Variants in BAZ2A observed in about 807,000 individuals in gnomAD.
The protein encoded by BAZ2A is bromodomain adjacent to zinc finger domain protein 2A.
In BAZ2A, 34 loss-of-function variants were observed where a neutral mutation model predicts 199.9. The observed-to-expected ratio is 0.17, with a 90% CI of 0.13 to 0.23. The LOEUF (loss-of-function observed/expected upper bound fraction) is 0.23. BAZ2A is among the 10% of genes least tolerant of loss of function. The pLI, the probability that BAZ2A is intolerant of heterozygous loss-of-function variation, is 1.00. For missense variants in BAZ2A, 2,002 were observed against 2,391.1 expected (o/e 0.84, Z 3.39); for synonymous variants, 857 against 883.9 (o/e 0.97, Z 0.54).
rs762252401 is a variant in BAZ2A, at chr12:56,602,676, T to C, written c.3424+37A>G. Reference sequence around the variant, plus strand: ...AAGGAATTATTTAATTCTTGTTTGATAGGACTCAGAATCCACACTCCCACA... The same window carrying C: ...AAGGAATTATTTAATTCTTGTTTGACAGGACTCAGAATCCACACTCCCACA... On this transcript the variant is annotated intron_variant, in intron 19 of 28. Coordinates refer to ENST00000549884, the MANE Select transcript of BAZ2A (RefSeq NM_001300905.2). The C allele has an allele frequency of 1.4e-5, 22 of 1,593,772 alleles. No homozygotes were observed. The Middle Eastern group carries it at 5.0e-4, about 36-fold the overall frequency.
At chr12:56,634,009 A>G (rs1056344651), upstream of BAZ2A, among the ~76,000 whole-genome samples, 1 of 152,190 alleles carries the variant, frequency 6.6e-6, no homozygotes, top group Non-Finnish European at 1.5e-5. Flanking sequence ...CTGGGATTAC[A>G]GGCGAGCACA....
chr12:56,610,349 G>A (rs889107194), intron 8 of BAZ2A, 60 bp downstream of exon 8: 16 of 1,582,718 alleles, frequency 1.0e-5, no homozygotes, highest in Non-Finnish European at 1.7e-6. Context: ...CGGAGTCTTG[G>A]GCAGTGGAAA....
At chr12:56,603,054 C>G (rs1950232468) in intron 18 of BAZ2A, among the ~76,000 whole-genome samples, 197 bp from the exon 19 acceptor site, 1 of 152,174 alleles carries the variant, frequency 6.6e-6, no homozygotes, top group Non-Finnish European at 1.5e-5. Flanking sequence ...GAGGCCAAGG[C>G]AGGTGGATTG....
intron 5 of BAZ2A, among the ~76,000 whole-genome samples, chr12:56,612,681 G>A (rs1010207996): frequency 8.5e-5 from 13 of 152,090 alleles, no homozygotes; most frequent in East Asian, 1.9e-4. Flanking sequence ...GGAGTGCAAC[G>A]ACACAATCTC....
At position 56,603,531 on chromosome 12, in the gene BAZ2A, T is replaced by G. The variant is rs767422348; in HGVS notation, c.3208A>C (p.Arg1070=). 7.4e-6 allele frequency: 12 copies of G among 1,613,904 alleles called. No homozygotes were observed. Among genetic ancestry groups the G allele is most frequent in the Non-Finnish European group, 8.5e-6 (10 of 1,179,902 alleles). ...TCTTGGGCCAGTACCTCTCCATCTC[T>G]TCGACCCCTGCGGCCAGGGACAGCT... The part of the protein sequence containing the change: ...IAAVPGRRGR[R]DGEVDATASS... Residue 1070 remains arginine (R), a synonymous_variant, in exon 17 of 29, where the codon AGA becomes CGA. Transcript: ENST00000549884.
At chr12:56,609,990 C>T (rs1348586244) in intron 9 of BAZ2A, 44 bp from the exon 10 acceptor site, 3 of 1,607,398 alleles carry the variant, frequency 1.9e-6, no homozygotes, top group Non-Finnish European at 1.7e-6. Context: ...GGAATCAGTG[C>T]AGGCCACGAG....
intron 1 of BAZ2A, among the ~76,000 whole-genome samples, chr12:56,622,389 T>TA (rs1352742712): frequency 3.3e-5 from 5 of 151,924 alleles, no homozygotes; most frequent in Non-Finnish European, 7.4e-5. Flanking sequence ...AAAATAAATA[T>TA]AATTTAAAAC....
In BAZ2A at chr12:56,599,255, C is replaced by G. The variant is rs757732182; in HGVS notation, c.5276G>C (p.Arg1759Pro). 1.2e-6 allele frequency: 2 copies of G among 1,613,130 alleles called. No homozygotes were observed. Among genetic ancestry groups the G allele is most frequent in the Non-Finnish European group, 1.7e-6 (2 of 1,179,720 alleles). ...LNFSEGDGRR[R>P]RVLLRGRESP... Reference sequence around the variant, plus strand: ...TTCTCGGCCCCTCAACAGTACCCGGCGTCGGCGGCCATCACCCTCTGAGAA... The same window carrying G: ...TTCTCGGCCCCTCAACAGTACCCGGGGTCGGCGGCCATCACCCTCTGAGAA... Residue 1759 changes from arginine to proline, a missense_variant, in exon 27 of 29, where the codon CGC (arginine) becomes CCC (proline). Transcript: ENST00000549884.
Position 56,595,935 on chromosome 12 carries a change from A to G in BAZ2A, c.*2683T>C, listed in dbSNP as rs571119877. On this transcript the variant is annotated 3_prime_UTR_variant, in exon 29 of 29. Coordinates refer to ENST00000549884, the MANE Select transcript of BAZ2A (RefSeq NM_001300905.2). ...AATACACAGAGTCTTTTGAATCTCT[A>G]TCAAATGTGGTTTTTTTTATTCAAC... is the stretch of plus-strand genomic sequence containing the variant. 6 of 40,272 alleles carry G rather than the reference A, an allele frequency of 1.5e-4. No homozygotes were observed. Among genetic ancestry groups the G allele is most frequent in the South Asian group, 1.3e-3 (1 of 794 alleles). 2.5% of individuals were successfully genotyped at this position (40,272 alleles called of 1,614,324 possible). A position where few individuals can be genotyped will look rare whatever the true frequency, so the allele number is the denominator to read the frequency against.
rs890680795 is a variant in BAZ2A, at chr12:56,601,124, G to C, written c.4295-26C>G. On this transcript the variant is annotated intron_variant, in intron 21 of 28. Transcript: ENST00000549884. ...CTGTGAGCAGATGAGATATATGTGG[G>C]GCGCCAGCTGTGAAGCACTGCCCAC... is the stretch of plus-strand genomic sequence containing the variant. The C allele has an allele frequency of 1.9e-6, 3 of 1,613,660 alleles. No individual in the cohort carries two copies. The African/African-American group carries it at 4.0e-5, about 22-fold the overall frequency.
chr12:56,610,412 G>C lies in BAZ2A; in HGVS notation c.1776C>G (p.Ile592Met). The C allele has an allele frequency of 1.9e-6, 3 of 1,613,504 alleles. No individual in the cohort carries two copies. Among genetic ancestry groups the C allele is most frequent in the East Asian group, 2.2e-5 (1 of 44,868 alleles). The change falls in exon 8 of 29, where the codon ATC (isoleucine) becomes ATG (methionine). Residue 592 changes from isoleucine to methionine, a missense_variant. Physicochemically the swap from Ile to Met is conservative, Grantham distance 10. Transcript: ENST00000549884. ...GKRMKQFPEV[I>M]KYLSRNVVHS... is the part of the protein sequence containing the mutation. ...CCTTTAAAAAAAGCTACATTACCTTGATCACTTCTGGAAATTGCTTCATCC... is the reference window on the plus strand; with the variant it reads ...CCTTTAAAAAAAGCTACATTACCTTCATCACTTCTGGAAATTGCTTCATCC...
At position 56,613,107 on chromosome 12, in the gene BAZ2A, G is replaced by C. The variant is rs1449106858; in HGVS notation, c.1043C>G (p.Ala348Gly). 1.2e-6 allele frequency: 2 copies of C among 1,613,868 alleles called. No homozygotes were observed. Among genetic ancestry groups the C allele is most frequent in the African/African-American group, 2.7e-5 (2 of 74,916 alleles). ...LDCPSLNNAT[A>G]FSLLADDSQT... is the part of the protein sequence containing the mutation. ...ACTATCATCTGCCAGGAGACTGAAG[G>C]CAGTAGCATTATTGAGGGAAGGGCA... The change falls in exon 5 of 29, where the codon GCC becomes GGC. Residue 348 changes from alanine (A) to glycine (G), a missense_variant. Physicochemically the swap from Ala to Gly is moderately conservative, Grantham distance 60 (BLOSUM62 0). This residue lies in a region of BAZ2A where 641 missense variants were observed against 694.5 expected (regional missense o/e 0.92). Transcript: ENST00000549884.
chr12:56,603,944 C>A (rs1253083578), intron 16 of BAZ2A, among the ~76,000 whole-genome samples: 1 of 151,920 alleles, frequency 6.6e-6, no homozygotes, highest in Non-Finnish European at 1.5e-5. Flanking sequence ...ACCTGGGAGG[C>A]GGAGGTGGCA....
rs568656033 is a variant in BAZ2A at position 56,607,586 on chromosome 12, C to T, written c.2093-853G>A. Among the ~76,000 whole-genome samples the T allele has an allele frequency of 2.2e-4, 33 of 152,258 alleles. 1 individual carries two copies. The East Asian group carries it at 5.6e-3, about 26-fold the overall frequency. ...CGGAGTTTCACCGTTTTAGCCATGA[C>T]GGTCTTGATTGCCTGACCTCATGAT... is the stretch of plus-strand genomic sequence containing the variant. On this transcript the variant is annotated intron_variant, in intron 10 of 28. Coordinates refer to ENST00000549884, the MANE Select transcript of BAZ2A (RefSeq NM_001300905.2).
chr12:56,599,820 T>C lies in BAZ2A; in HGVS notation c.5054A>G (p.Asn1685Ser), dbSNP rs1343417137. The change falls in exon 26 of 29, where the codon AAT (asparagine) becomes AGT (serine). Residue 1685 changes from asparagine to serine, a missense_variant. Asn to Ser is a conservative substitution (Grantham distance 46). Transcript: ENST00000549884. ...VTCLVCRKGD[N>S]DEFLLLCDGC... is the part of the protein sequence containing the mutation. The stretch of plus-strand genomic sequence containing the variant: ...ATCACAAAGCAGAAGAAACTCATCA[T>C]TGTCACCCTTCCGGCAGACTAGACA... The C allele has an allele frequency of 5.6e-6, 9 of 1,613,908 alleles. No homozygotes were observed. The highest frequency in any genetic ancestry group is 2.2e-5 in the South Asian group (2 of 91,090).
chr12:56,630,284 C>G lies in BAZ2A; in HGVS notation c.-162G>C, dbSNP rs1333061547. On this transcript the variant is annotated 5_prime_UTR_variant, in exon 1 of 29. Coordinates refer to ENST00000549884, the MANE Select transcript of BAZ2A (RefSeq NM_001300905.2). The stretch of plus-strand genomic sequence containing the variant: ...AAGGGGGAGGGGGACGCGGCTCAAC[C>G]GCGGGGCCCGAGAGGAGCCAACATG... The G allele has an allele frequency of 2.0e-6, 2 of 984,860 alleles. No individual in the cohort carries two copies. The highest frequency in any genetic ancestry group is 2.4e-6 in the Non-Finnish European group (2 of 829,494). The allele number at this position is 984,860 out of a possible 1,614,324, so 61.0% of individuals were successfully genotyped here.
intron 1 of BAZ2A, among the ~76,000 whole-genome samples, chr12:56,626,130 A>G (rs889904205): frequency 3.3e-5 from 5 of 152,152 alleles, no homozygotes; most frequent in East Asian, 3.8e-4. Context: ...GCAGACTGAT[A>G]ATAACAAGCT....
At chr12:56,610,597 A>G in intron 7 of BAZ2A, 80 bp from the exon 8 acceptor site, 2 of 1,239,290 alleles carry the variant, frequency 1.6e-6, no homozygotes, top group Non-Finnish European at 2.3e-6. Flanking sequence ...AAGCCCTCTG[A>G]GCAGATGGCC....
At chr12:56,630,780 G>A, upstream of BAZ2A, 4 of 985,598 alleles carry the variant, frequency 4.1e-6, no homozygotes, top group Non-Finnish European at 4.8e-6. Flanking sequence ...ACTCACCTCT[G>A]TCCCTTCAGT....
Sources: gnomAD v4.1 joint callset for allele counts (sites outside exome capture counted in the v4.1 genomes callset) on GRCh38, gnomAD v4.1.1 for gene constraint, gnomAD v4.1.1 regional missense constraint, MANE v1.5 for transcripts, NCBI Gene and HGNC (gene_info 2026-07-23, HGNC 2026-07-21) for gene names.